GCNT4: variants seen among roughly 807,000 people sequenced by gnomAD.
GCNT4 encodes beta-1,3-galactosyl-O-glycosyl-glycoprotein beta-1,6-N-acetylglucosaminyltransferase 4.
A neutral mutation model predicts 31.3 loss-of-function variants in GCNT4; 17 were observed. The observed-to-expected ratio is 0.54, with a 90% confidence interval of 0.37 to 0.81. GCNT4 has a LOEUF of 0.81. Among genes scored for constraint, GCNT4 ranks in the 40% least tolerant of loss-of-function variants. The probability of loss-of-function intolerance (pLI) is 0.00; values close to 1 mark genes in which losing one functional copy is unlikely to be tolerated. For synonymous variants in GCNT4, 158 were observed against 190.6 expected (o/e 0.83, Z 1.41); for missense variants, 503 against 525.5 (o/e 0.96, Z 0.42).
chr5:75,029,690 T>C lies in GCNT4; in HGVS notation c.348A>G (p.Leu116=). The part of the protein sequence containing the change: ...MTSDCDIYQT[L]RGYAQKLVSK... ...AGACAAGCTTTTGAGCATAACCTCT[T>C]AGAGTCTGATAAATGTCACAATCAC... Residue 116 remains leucine (L), a synonymous_variant, in exon 4 of 4, where the codon CTA becomes CTG. Transcript: ENST00000652361. 1 of 1,614,150 alleles carries C rather than the reference T, an allele frequency of 6.2e-7. No homozygotes were observed. The highest frequency in any genetic ancestry group is 8.5e-7 in the Non-Finnish European group (1 of 1,180,020).
intron 3 of GCNT4, among the ~76,000 whole-genome samples, chr5:75,041,165 T>C (rs1046881333): frequency 6.6e-6 from 1 of 152,244 alleles, no homozygotes; most frequent in Non-Finnish European, 1.5e-5. Flanking sequence ...TGTTCTTGCA[T>C]CCCTGTTTGG....
upstream of GCNT4, among the ~76,000 whole-genome samples, chr5:75,053,219 CG>C (rs11411709): frequency 6.6e-6 from 1 of 151,562 alleles, no homozygotes; most frequent in Non-Finnish European, 1.5e-5. Context: ...AGGCGCGCGC[CG>C]GGTCGCCCAC....
In GCNT4 at chr5:75,043,149, G is replaced by C. The variant is rs561119040; in HGVS notation, c.-2+4748C>G. On this transcript the variant is annotated intron_variant, in intron 3 of 3. Coordinates refer to ENST00000652361, the MANE Select transcript of GCNT4 (RefSeq NM_001366737.1). The stretch of plus-strand genomic sequence containing the variant: ...ATTTCAGGTTAATAAAAAGTAAAAA[G>C]ATTGTTTAGTTTACTAAGTGTCTAA... Among the ~76,000 whole-genome samples the C allele has an allele frequency of 3.5e-4, 54 of 152,296 alleles. No homozygotes were observed. In the South Asian group the frequency reaches 0.011, roughly 31 times the overall value.
chr5:75,029,539 T>C lies in GCNT4; in HGVS notation c.499A>G (p.Lys167Glu), dbSNP rs1743016936. ...HNIYCIHYDR[K>E]APDTFKVAMN... ...GCAACTTTGAAGGTATCAGGTGCCTTACGATCATAATGGATGCAGTAAATA... is the reference window on the plus strand; with the variant it reads ...GCAACTTTGAAGGTATCAGGTGCCTCACGATCATAATGGATGCAGTAAATA... Residue 167 changes from lysine (K) to glutamate (E), a missense_variant, in exon 4 of 4, where the codon AAG (lysine) becomes GAG (glutamate). Physicochemically the swap from Lys to Glu is moderately conservative, Grantham distance 56. Coordinates refer to ENST00000652361, the MANE Select transcript of GCNT4 (RefSeq NM_001366737.1). The C allele has an allele frequency of 1.9e-6, 3 of 1,614,158 alleles. No individual in the cohort carries two copies. Among genetic ancestry groups the C allele is most frequent in the Non-Finnish European group, 2.5e-6 (3 of 1,180,034 alleles).
downstream of GCNT4, among the ~76,000 whole-genome samples, chr5:75,024,753 C>G (rs1300103586): frequency 6.6e-6 from 1 of 152,060 alleles, no homozygotes; most frequent in Middle Eastern, 3.4e-3. Context: ...AGTTTGAGAC[C>G]AGCCTGGCCA....
At chr5:75,048,731 A>C (rs1005051161) in intron 2 of GCNT4, among the ~76,000 whole-genome samples, 1 of 152,180 alleles carries the variant, frequency 6.6e-6, no homozygotes, top group African/African-American at 2.4e-5. Context: ...TCTGCTCTGT[A>C]CTGAGCAGAC....
In GCNT4 at chr5:75,038,827, T is replaced by C. The variant is rs183111128; in HGVS notation, c.-1-8789A>G. 9.2e-5 allele frequency among the ~76,000 whole-genome samples: 14 copies of C among 152,310 alleles called. No individual in the cohort carries two copies. In the East Asian group the frequency reaches 9.7e-4, roughly 11 times the overall value. ...AATTTTGGGGAACACATTCAGACCA[T>C]AGCAGTATGTGTCTATCCAACTGCT... On this transcript the variant is annotated intron_variant, in intron 3 of 3. Transcript: ENST00000652361.
At chr5:75,038,515 T>A (rs189663830) in intron 3 of GCNT4, among the ~76,000 whole-genome samples, 1 of 152,226 alleles carries the variant, frequency 6.6e-6, no homozygotes. Context: ...TTAGAAACGA[T>A]AGGCTTTTAT....
rs893963817 is a variant in GCNT4, at chr5:75,027,299, T to C, written c.*1377A>G. ...ATGTTATATAATATATATTTATATATATATAATTATATGTATATATAATAT... is the reference window on the plus strand; with the variant it reads ...ATGTTATATAATATATATTTATATACATATAATTATATGTATATATAATAT... On this transcript the variant is annotated 3_prime_UTR_variant, in exon 4 of 4. Transcript: ENST00000652361. The C allele has an allele frequency of 6.8e-5, 7 of 102,254 alleles. No individual in the cohort carries two copies. The highest frequency in any genetic ancestry group is 1.0e-4 in the Non-Finnish European group (6 of 57,620). 6.3% of individuals were successfully genotyped at this position (102,254 alleles called of 1,614,324 possible).
chr5:75,032,317 C>A (rs1561373998), intron 3 of GCNT4, among the ~76,000 whole-genome samples: 3 of 152,176 alleles, frequency 2.0e-5, no homozygotes, highest in Non-Finnish European at 4.4e-5. Flanking sequence ...CTTGCCCAAG[C>A]CTCAGAGGTG....
chr5:75,041,934 A>T (rs1174575396), intron 3 of GCNT4, among the ~76,000 whole-genome samples: 1 of 152,248 alleles, frequency 6.6e-6, no homozygotes, highest in Non-Finnish European at 1.5e-5. Context: ...CTCAAAAGGG[A>T]GTAAAACATT....
At chr5:75,035,129 G>A (rs1232998990) in intron 3 of GCNT4, among the ~76,000 whole-genome samples, 2 of 141,746 alleles carry the variant, frequency 1.4e-5, no homozygotes, top group African/African-American at 2.6e-5. Context: ...AAGCGGACAC[G>A]ACTGCATTCA....
intron 3 of GCNT4, among the ~76,000 whole-genome samples, chr5:75,032,627 G>C (rs1743090139): frequency 1.3e-5 from 2 of 152,134 alleles, no homozygotes; most frequent in African/African-American, 4.8e-5. Flanking sequence ...AGAGACTCCT[G>C]GTCAGGCTCA....
rs759746079 is a variant in GCNT4, at chr5:75,028,850, T to C, written c.1188A>G (p.Ala396=). Residue 396 remains alanine, a synonymous_variant, in exon 4 of 4, where the codon GCA becomes GCG. Coordinates refer to ENST00000652361, the MANE Select transcript of GCNT4 (RefSeq NM_001366737.1). ...HLRSVCIYGA[A]ELRWLIKDGH... is the part of the protein sequence containing the mutation. ...CATCTTTGATAAGCCACCTTAATTC[T>C]GCAGCTCCATAAATACACACGCTTC... 7.4e-6 allele frequency: 12 copies of C among 1,614,010 alleles called. No homozygotes were observed. Among genetic ancestry groups the C allele is most frequent in the Non-Finnish European group, 1.0e-5 (12 of 1,180,028 alleles).
rs1491588789 is a variant in GCNT4 at position 75,027,361 on chromosome 5, ATT to A, written c.*1313_*1314del. On this transcript the variant is annotated 3_prime_UTR_variant, in exon 4 of 4. Transcript: ENST00000652361. Reference sequence around the variant, plus strand: ...CAATATATGTATATATAATATATATATTTATATATTATATATGTAATGGAATT... The same window carrying A: ...CAATATATGTATATATAATATATATATATATATTATATATGTAATGGAATT... The A allele has an allele frequency of 0.027, 18 of 658 alleles. No homozygotes were observed. The East Asian group carries it at 0.3, about 11-fold the overall frequency. The allele number at this position is 658 out of a possible 1,614,324, so 0.0% of individuals were successfully genotyped here.
chr5:75,048,157 C>G (rs966964410), intron 2 of GCNT4, 120 bp from the exon 3 acceptor site: 3 of 152,074 alleles, frequency 2.0e-5, no homozygotes, highest in Middle Eastern at 3.2e-3. Context: ...CAAAAGATGC[C>G]AAGTTTTTGA....
chr5:75,046,475 T>C (rs891723993), intron 3 of GCNT4, among the ~76,000 whole-genome samples: 1 of 152,160 alleles, frequency 6.6e-6, no homozygotes, highest in South Asian at 2.1e-4. Context: ...CCCCTCTGCT[T>C]CAATCTGAAG....
At chr5:75,049,479 C>T (rs1226717700) in intron 2 of GCNT4, among the ~76,000 whole-genome samples, 1 of 152,204 alleles carries the variant, frequency 6.6e-6, no homozygotes, top group African/African-American at 2.4e-5. Flanking sequence ...AGGATGGAAA[C>T]GGCTGCATTC....
intron 3 of GCNT4, among the ~76,000 whole-genome samples, chr5:75,039,821 A>G (rs1743280082): frequency 6.6e-6 from 1 of 152,166 alleles, no homozygotes; most frequent in Non-Finnish European, 1.5e-5. Flanking sequence ...TGTAGCCAAA[A>G]TGATTTTTTA....
Sources: gnomAD v4.1 joint callset for allele counts (sites outside exome capture counted in the v4.1 genomes callset) on GRCh38, gnomAD v4.1.1 for gene constraint, MANE v1.5 for transcripts, NCBI Gene and HGNC (gene_info 2026-07-23, HGNC 2026-07-21) for gene names.